The following ZNF536 variants were observed in gnomAD, a reference collection of about 807,000 sequenced individuals.
ZNF536 encodes zinc finger protein 536.
In ZNF536, 13 loss-of-function variants were observed where a neutral mutation model predicts 84.5. The observed-to-expected ratio is 0.15, with a 90% CI of 0.10 to 0.24. The LOEUF is 0.24. Ranked by LOEUF, ZNF536 falls within the 10% of genes least tolerant of loss-of-function variation. ZNF536 has a pLI of 1.00. For synonymous variants in ZNF536, 811 were observed against 742.5 expected (o/e 1.09, Z -1.50); for missense variants, 1,536 against 1,747.5 (o/e 0.88, Z 2.16).
rs141253341 is a variant in ZNF536 at position 30,614,465 on chromosome 19, G to GGAGAGA, written c.169+64964_169+64969dup. Among the ~76,000 whole-genome samples, 5 of 147,966 alleles carry GGAGAGA rather than the reference G, an allele frequency of 3.4e-5. 2 individuals carry two copies. Among genetic ancestry groups the GGAGAGA allele is most frequent in the African/African-American group, 1.2e-4 (5 of 40,214 alleles). ...GCAGTGGGGACTGGGCGGGGGCGGG[G>GGAGAGA]GAGAGAGAGAGAGAGAGAAAGTAGG... On this transcript the variant is annotated intron_variant, in intron 1 of 1. Transcript: ENST00000592773.
At chr19:30,250,725 G>A (rs1172100361) in intron 1 of ZNF536, among the ~76,000 whole-genome samples, 3 of 152,018 alleles carry the variant, frequency 2.0e-5, no homozygotes, top group Non-Finnish European at 4.4e-5. Flanking sequence ...AGACAACTAC[G>A]ATTCCTCTTC....
intron 1 of ZNF536, among the ~76,000 whole-genome samples, chr19:30,582,886 G>A (rs371461477): frequency 2.0e-4 from 30 of 152,290 alleles, no homozygotes; most frequent in African/African-American, 4.8e-4. Context: ...CCCACAACAC[G>A]TGGGAATTAT....
At chr19:30,701,005 C>T (rs968754195) in intron 1 of ZNF536, among the ~76,000 whole-genome samples, 2 of 152,182 alleles carry the variant, frequency 1.3e-5, no homozygotes, top group African/African-American at 4.8e-5. Flanking sequence ...CTTCTCTCCA[C>T]TTGATCACCT....
chr19:30,255,503 G>A (rs377408519), intron 1 of ZNF536, among the ~76,000 whole-genome samples: 9 of 152,124 alleles, frequency 5.9e-5, no homozygotes, highest in Admixed American at 3.3e-4. Context: ...TGTAAAAGGC[G>A]TCTTTTCTCT....
At chr19:30,333,723 AC>A (rs2047290904) in intron 2 of ZNF536, among the ~76,000 whole-genome samples, 1 of 152,158 alleles carries the variant, frequency 6.6e-6, no homozygotes. Flanking sequence ...ACCTAGGAAC[AC>A]CCGTGCACCA....
At chr19:30,505,419 C>A (rs1309313443) in intron 2 of ZNF536, among the ~76,000 whole-genome samples, 1 of 146,608 alleles carries the variant, frequency 6.8e-6, no homozygotes, top group East Asian at 2.0e-4. Flanking sequence ...TATGAAATAT[C>A]TTATATAGTT....
chr19:30,516,720 A>G (rs1364994299), intron 2 of ZNF536, among the ~76,000 whole-genome samples: 1 of 152,218 alleles, frequency 6.6e-6, no homozygotes, highest in Non-Finnish European at 1.5e-5. Context: ...ATTAGTGAGC[A>G]TTCCAAAGCA....
intron 3 of ZNF536, among the ~76,000 whole-genome samples, chr19:30,538,936 A>C (rs750610482): frequency 1.3e-5 from 2 of 152,128 alleles, no homozygotes; most frequent in African/African-American, 2.4e-5. Flanking sequence ...GGCCAGGCAC[A>C]GTGGCTCATA....
At chr19:30,711,877 A>G (rs1229663932) in exon 2 of ZNF536, 3 of 152,216 alleles carry the variant, frequency 2.0e-5, no homozygotes, top group African/African-American at 7.2e-5. Flanking sequence ...CTGGTGAGCA[A>G]TTAAAATTTA....
intron 2 of ZNF536, among the ~76,000 whole-genome samples, chr19:30,463,945 A>G (rs1454150741): frequency 6.6e-6 from 1 of 152,136 alleles, no homozygotes; most frequent in African/African-American, 2.4e-5. Flanking sequence ...TCCATGTCCA[A>G]CTTCTCCCTG....
At chr19:30,236,408 T>A (rs1411078611) in intron 1 of ZNF536, among the ~76,000 whole-genome samples, 1 of 152,166 alleles carries the variant, frequency 6.6e-6, no homozygotes, top group Non-Finnish European at 1.5e-5. Flanking sequence ...TTCCGTGTGA[T>A]TTTTGTTTTG....
At chr19:30,542,846 C>T (rs1481840198) in intron 3 of ZNF536, among the ~76,000 whole-genome samples, 1 of 152,188 alleles carries the variant, frequency 6.6e-6, no homozygotes, top group African/African-American at 2.4e-5. Flanking sequence ...GGGTCTCACT[C>T]TATCCCCCAG....
chr19:30,596,681 A>AC (rs2047475122), intron 1 of ZNF536, among the ~76,000 whole-genome samples: 1 of 152,178 alleles, frequency 6.6e-6, no homozygotes. Flanking sequence ...GGAAAAAAAA[A>AC]AGTAGTAATG....
intron 2 of ZNF536, among the ~76,000 whole-genome samples, chr19:30,528,755 A>G (rs201493253): frequency 1.3e-5 from 2 of 152,136 alleles, no homozygotes; most frequent in East Asian, 3.9e-4. Context: ...GCCAAAACTG[A>G]CCACCTGTCC....
chr19:30,544,570 T>C (rs1488396298), intron 3 of ZNF536, among the ~76,000 whole-genome samples: 2 of 152,182 alleles, frequency 1.3e-5, no homozygotes, highest in African/African-American at 2.4e-5. Flanking sequence ...TGAACTCTGC[T>C]AGCCTGCTAT....
At chr19:30,539,046 A>C (rs2045210167) in intron 3 of ZNF536, among the ~76,000 whole-genome samples, 1 of 152,016 alleles carries the variant, frequency 6.6e-6, no homozygotes, top group Non-Finnish European at 1.5e-5. Context: ...CATCTCTATA[A>C]AAGGAAAGAA....
chr19:30,497,938 G>A (rs2054791371), intron 2 of ZNF536, among the ~76,000 whole-genome samples: 1 of 152,160 alleles, frequency 6.6e-6, no homozygotes, highest in East Asian at 1.9e-4. Flanking sequence ...AATTAGCCAT[G>A]TACCTCCATT....
At chr19:30,601,544 A>T (rs1377962649) in intron 1 of ZNF536, among the ~76,000 whole-genome samples, 1 of 152,170 alleles carries the variant, frequency 6.6e-6, no homozygotes, top group Non-Finnish European at 1.5e-5. Context: ...ACACTTGAAT[A>T]TGGGCATCTC....
chr19:30,243,763 G>A (rs924570179), intron 1 of ZNF536, among the ~76,000 whole-genome samples: 2 of 152,342 alleles, frequency 1.3e-5, no homozygotes, highest in Non-Finnish European at 2.9e-5. Flanking sequence ...TCAACAAATA[G>A]TAGTTTTAAC....
Sources: allele counts gnomAD v4.1 joint callset (sites outside exome capture counted in the v4.1 genomes callset), GRCh38; gene constraint gnomAD v4.1.1; transcripts MANE v1.5; gene names NCBI Gene and HGNC (gene_info 2026-07-23, HGNC 2026-07-21).